Variants in GTSE1 observed in about 807,000 individuals in gnomAD.
GTSE1 encodes the protein G2 and S phase-expressed protein 1.
Under a neutral mutation model 60.5 loss-of-function variants are expected in GTSE1, and 52 were observed. That is an observed-to-expected ratio of 0.86 (90% CI 0.69 to 1.08). The LOEUF (loss-of-function observed/expected upper bound fraction) is 1.08. GTSE1 is among the 50% of genes least tolerant of loss of function. The pLI is 0.00. For synonymous variants in GTSE1, 368 were observed against 386.5 expected (o/e 0.95, Z 0.56); for missense variants, 937 against 961.8 (o/e 0.97, Z 0.34).
chr22:46,323,550 C>A (rs1003009922), intron 8 of GTSE1, among the ~76,000 whole-genome samples: 1 of 152,236 alleles, frequency 6.6e-6, no homozygotes, highest in Non-Finnish European at 1.5e-5. Flanking sequence ...TTAGGACTGC[C>A]CGTGCCCAGC....
At chr22:46,327,988 T>C (rs2077853707) in intron 9 of GTSE1, among the ~76,000 whole-genome samples, 1 of 152,224 alleles carries the variant, frequency 6.6e-6, no homozygotes, top group African/African-American at 2.4e-5. Flanking sequence ...TGTTTGTAAG[T>C]GTAAATGTAG....
intron 2 of GTSE1, among the ~76,000 whole-genome samples, chr22:46,301,663 A>G (rs1248678821): frequency 6.6e-6 from 1 of 151,334 alleles, no homozygotes; most frequent in Admixed American, 6.6e-5. Context: ...AATTTTTTGT[A>G]TTTTTAGTAA....
Position 46,297,427 on chromosome 22 carries a change from G to A in GTSE1, c.27G>A (p.Glu9=). 6.2e-7 allele frequency: 1 copy of A among 1,613,976 alleles called. No homozygotes were observed. Among genetic ancestry groups the A allele is most frequent in the East Asian group, 2.2e-5 (1 of 44,882 alleles). The part of the protein sequence containing the change: MEGGGGRD[E]PSACRAGDVN... ...TGGAAGGAGGCGGCGGCCGCGATGA[G>A]CCTTCAGCCTGCCGGGCAGGGGACG... The change falls in exon 2 of 12, where the codon GAG becomes GAA. Residue 9 remains glutamate, a synonymous_variant. Transcript: ENST00000454366. This position sits in a 1 kb window ranked among gnomAD's most constrained non-coding sequence, Gnocchi z 4.9.
chr22:46,302,241 A>G (rs1017392799), intron 2 of GTSE1, among the ~76,000 whole-genome samples: 1 of 152,300 alleles, frequency 6.6e-6, no homozygotes, highest in East Asian at 1.9e-4. Context: ...ATTACTTTAT[A>G]GATATGCTTC....
Position 46,304,204 on chromosome 22 carries a change from G to C in GTSE1, c.80-3946G>C, listed in dbSNP as rs578164770. On this transcript the variant is annotated intron_variant, in intron 2 of 11. Transcript: ENST00000454366. This position sits in a 1 kb window ranked among gnomAD's most constrained non-coding sequence, Gnocchi z 4.4. The stretch of plus-strand genomic sequence containing the variant: ...GCTGGGGTCTCGCTATGTTGCGAGG[G>C]CTGGCCTTGAACCCCTGGGCCTCAA... Among the ~76,000 whole-genome samples the C allele has an allele frequency of 6.6e-6, 1 of 151,902 alleles. No individual in the cohort carries two copies. The highest frequency in any genetic ancestry group is 2.4e-5 in the African/African-American group (1 of 41,350).
rs548794983 is a variant in GTSE1, at chr22:46,313,988, G to A, written c.1026G>A (p.Ala342=). Reference sequence around the variant, plus strand: ...CTGTTTGGAGCGGGGCATCCAGTGCGTGCACATCCCCAGCAGTGGGCAAAG... The same window carrying A: ...CTGTTTGGAGCGGGGCATCCAGTGCATGCACATCCCCAGCAGTGGGCAAAG... ...SGPVWSGASS[A]CTSPAVGKAK... Residue 342 remains alanine (A), a synonymous_variant, in exon 6 of 12, where the codon GCG becomes GCA. Coordinates refer to ENST00000454366, the MANE Select transcript of GTSE1 (RefSeq NM_016426.7). This position sits in a 1 kb window ranked among gnomAD's most constrained non-coding sequence, Gnocchi z 4.4. 116 of 1,614,036 alleles carry A rather than the reference G, an allele frequency of 7.2e-5. No individual in the cohort carries two copies. Among genetic ancestry groups the A allele is most frequent in the Admixed American group, 5.0e-5 (3 of 60,006 alleles).
In GTSE1 at chr22:46,308,649, A is replaced by G. The variant is rs1213033527; in HGVS notation, c.468A>G (p.Lys156=). 6.2e-7 allele frequency: 1 copy of G among 1,613,944 alleles called. No homozygotes were observed. The highest frequency in any genetic ancestry group is 1.7e-5 in the Admixed American group (1 of 60,026). Reference sequence around the variant, plus strand: ...TTGAGAAAGAAAAGGAAATGAAGAAAAGCCCCACGTCTCTTAAAAGGGAGA... The same window carrying G: ...TTGAGAAAGAAAAGGAAATGAAGAAGAGCCCCACGTCTCTTAAAAGGGAGA... ...NLFEKEKEMK[K]SPTSLKRETY... Residue 156 remains lysine, a synonymous_variant, in exon 4 of 12, where the codon AAA becomes AAG. Transcript: ENST00000454366.
Position 46,329,989 on chromosome 22 carries a change from G to A in GTSE1, c.2137-58G>A. 1 of 1,024,532 alleles carries A rather than the reference G, an allele frequency of 9.8e-7. No homozygotes were observed. Among genetic ancestry groups the A allele is most frequent in the Admixed American group, 1.7e-5 (1 of 58,846 alleles). 63.5% of individuals were successfully genotyped at this position (1,024,532 alleles called of 1,614,324 possible). ...ACGCAGCCAGTCCTCTGTGCAGGGA[G>A]GGGAAGGGAGGCCCTAGCCGGATCC... is the stretch of plus-strand genomic sequence containing the variant. On this transcript the variant is annotated intron_variant, in intron 11 of 11. Coordinates refer to ENST00000454366, the MANE Select transcript of GTSE1 (RefSeq NM_016426.7). The surrounding 1 kb of genome is among the most constrained non-coding windows in gnomAD (Gnocchi z 6.4).
chr22:46,301,540 T>G (rs1468830205), intron 2 of GTSE1, among the ~76,000 whole-genome samples: 1 of 151,120 alleles, frequency 6.6e-6, no homozygotes, highest in Admixed American at 6.6e-5. Flanking sequence ...TAGGCTGGAG[T>G]GCAATGGTGC....
Position 46,330,116 on chromosome 22 carries a change from CT to C in GTSE1, c.2207del (p.Leu736ProfsTer28). ...EADKENVDSP[L>X]LKF Reference sequence around the variant, plus strand: ...TGACAAGGAGAACGTGGATTCCCCACTCCTCAAGTTCTAAGCCGAACCAAAT... The same window carrying C: ...TGACAAGGAGAACGTGGATTCCCCACCCTCAAGTTCTAAGCCGAACCAAAT... On this transcript the variant is annotated frameshift_variant, in exon 12 of 12. Transcript: ENST00000454366. LOFTEE classifies it high-confidence loss of function. The surrounding 1 kb of genome is among the most constrained non-coding windows in gnomAD (Gnocchi z 6.0). 6.2e-7 allele frequency: 1 copy of C among 1,600,718 alleles called. No homozygotes were observed. Among genetic ancestry groups the C allele is most frequent in the East Asian group, 2.2e-5 (1 of 44,828 alleles).
At chr22:46,326,276 T>C (rs2077843119) in intron 8 of GTSE1, among the ~76,000 whole-genome samples, 160 bp from the exon 9 acceptor site, 1 of 152,152 alleles carries the variant, frequency 6.6e-6, no homozygotes, top group South Asian at 2.1e-4. Flanking sequence ...TTGCCCGCCT[T>C]GGGGCCTGTC....
chr22:46,326,850 G>C (rs1275625150), intron 9 of GTSE1, 196 bp downstream of exon 9: 1 of 514,556 alleles, frequency 1.9e-6, no homozygotes, highest in Non-Finnish European at 3.4e-6. Context: ...GGTATTACAA[G>C]GAAATACTGC....
chr22:46,329,508 A>T lies in GTSE1; in HGVS notation c.2077A>T (p.Met693Leu). Residue 693 changes from methionine (M) to leucine (L), a missense_variant, in exon 11 of 12, where the codon ATG becomes TTG. Coordinates refer to ENST00000454366, the MANE Select transcript of GTSE1 (RefSeq NM_016426.7). This position sits in a 1 kb window ranked among gnomAD's most constrained non-coding sequence, Gnocchi z 6.4. ...GSESRPLIDL[M>L]TNTPDMNKNV... ...TGAAAGCAGGCCTCTGATCGACCTC[A>T]TGACAAACACTCCAGACATGAATAA... The T allele has an allele frequency of 6.2e-7, 1 of 1,614,176 alleles. No individual in the cohort carries two copies. The highest frequency in any genetic ancestry group is 8.5e-7 in the Non-Finnish European group (1 of 1,180,028).
chr22:46,304,746 A>T lies in GTSE1; in HGVS notation c.80-3404A>T, dbSNP rs1302525822. On this transcript the variant is annotated intron_variant, in intron 2 of 11. Transcript: ENST00000454366. This position sits in a 1 kb window ranked among gnomAD's most constrained non-coding sequence, Gnocchi z 4.4. ...GTAATCCCAGCACTTTGGGAGGCCAAGGTAGGAGGAATGCTTGTTCCCAGC... is the reference window on the plus strand; with the variant it reads ...GTAATCCCAGCACTTTGGGAGGCCATGGTAGGAGGAATGCTTGTTCCCAGC... 6.6e-6 allele frequency among the ~76,000 whole-genome samples: 1 copy of T among 152,208 alleles called. No individual in the cohort carries two copies. Among genetic ancestry groups the T allele is most frequent in the African/African-American group, 2.4e-5 (1 of 41,450 alleles).
rs917614747 is a variant in GTSE1, at chr22:46,310,607, A to T, written c.763-1534A>T. The stretch of plus-strand genomic sequence containing the variant: ...TGATTGGGTAACGAAAATGCAGTCT[A>T]TCCAAACAATGGTTTATTTTTGGCA... On this transcript the variant is annotated intron_variant, in intron 4 of 11. Coordinates refer to ENST00000454366, the MANE Select transcript of GTSE1 (RefSeq NM_016426.7). This position sits in a 1 kb window ranked among gnomAD's most constrained non-coding sequence, Gnocchi z 4.4. Among the ~76,000 whole-genome samples the T allele has an allele frequency of 2.0e-5, 3 of 152,360 alleles. No homozygotes were observed. The highest frequency in any genetic ancestry group is 7.2e-5 in the African/African-American group (3 of 41,582).
chr22:46,326,503 T>C lies in GTSE1; in HGVS notation c.1573T>C (p.Trp525Arg), dbSNP rs140054. The change falls in exon 9 of 12, where the codon TGG (tryptophan) becomes CGG (arginine). Residue 525 changes from tryptophan (W) to arginine (R), a missense_variant. Trp to Arg is a moderately radical substitution (Grantham distance 101). Transcript: ENST00000454366. ...GPAPQSLLSA[W>R]RVSALPTPAS... The stretch of plus-strand genomic sequence containing the variant: ...AGCACCACAAAGCCTGCTGAGCGCA[T>C]GGCGTGTGTCAGCCTTGCCCACACC... 1,504,727 of 1,613,986 alleles carry C rather than the reference T, an allele frequency of 0.93. 701,943 individuals carry two copies. The highest frequency in any genetic ancestry group is 1 in the East Asian group (44,876 of 44,880).
chr22:46,300,639 C>T (rs1406696611), intron 2 of GTSE1, among the ~76,000 whole-genome samples: 1 of 152,182 alleles, frequency 6.6e-6, no homozygotes, highest in Non-Finnish European at 1.5e-5. Context: ...GCTGCATGTA[C>T]CCCAAGCCTG....
rs201046742 is a variant in GTSE1 at position 46,308,839 on chromosome 22, C to T, written c.658C>T (p.His220Tyr). The change falls in exon 4 of 12, where the codon CAT becomes TAT. Residue 220 changes from histidine (H) to tyrosine (Y), a missense_variant. Coordinates refer to ENST00000454366, the MANE Select transcript of GTSE1 (RefSeq NM_016426.7). ...TTTGCCCAGGGAATCATGCACTGCT[C>T]ATGCTGCAAGTCAGGCAGCGACTCA... is the stretch of plus-strand genomic sequence containing the variant. Reference protein sequence around the residue: ...HALPRESCTAHAASQAATQRK... With the variant: ...HALPRESCTAYAASQAATQRK... 2 of 1,613,286 alleles carry T rather than the reference C, an allele frequency of 1.2e-6. No individual in the cohort carries two copies. Among genetic ancestry groups the T allele is most frequent in the South Asian group, 1.1e-5 (1 of 91,076 alleles).
chr22:46,307,054 G>A (rs2077719304), intron 2 of GTSE1, among the ~76,000 whole-genome samples: 1 of 152,178 alleles, frequency 6.6e-6, no homozygotes, highest in Non-Finnish European at 1.5e-5. Context: ...AGCCTTGCGG[G>A]GAGCTGGAGG....
Sources: gnomAD v4.1 joint callset for allele counts (sites outside exome capture counted in the v4.1 genomes callset) on GRCh38, gnomAD v4.1.1 for gene constraint, Gnocchi (gnomAD v3.1) non-coding constraint, MANE v1.5 for transcripts, NCBI Gene and HGNC (gene_info 2026-07-23, HGNC 2026-07-21) for gene names.